Variants in MARCHF1 observed in about 807,000 individuals in gnomAD.
MARCHF1 encodes membrane associated ring-CH-type finger 1, also known as E3 ubiquitin-protein ligase MARCHF1.
In MARCHF1, 40 loss-of-function variants were observed where a neutral mutation model predicts 54.2. The observed-to-expected ratio is 0.74, with a 90% CI of 0.57 to 0.96. The LOEUF is 0.96. Among genes scored for constraint, MARCHF1 ranks in the 40% least tolerant of loss-of-function variants. The probability of loss-of-function intolerance (pLI) is 0.00; values close to 1 mark genes in which losing one functional copy is unlikely to be tolerated. For synonymous variants in MARCHF1, 236 were observed against 236.3 expected, an observed-to-expected ratio of 1.00 and a Z score of 0.01; for missense variants, 586 against 656.5, an observed-to-expected ratio of 0.89 and a Z score of 1.17.
In MARCHF1 at chr4:163,989,146, T is replaced by G. The variant is rs56253964; in HGVS notation, c.-247-437A>C. Among the ~76,000 whole-genome samples, 635 of 152,270 alleles carry G rather than the reference T, an allele frequency of 4.2e-3. 8 individuals carry two copies. Among genetic ancestry groups the G allele is most frequent in the African/African-American group, 0.015 (616 of 41,572 alleles). ...GTAAATAAGCAGACGGCTGAAAAGC[T>G]TAGTGTCCTATTTGGAGCCAAATCT... On this transcript the variant is annotated intron_variant, in intron 2 of 9. Coordinates refer to ENST00000514618, the MANE Select transcript of MARCHF1 (RefSeq NM_001394959.1).
At chr4:163,895,107 A>G (rs919422482) in intron 3 of MARCHF1, among the ~76,000 whole-genome samples, 2 of 152,188 alleles carry the variant, frequency 1.3e-5, no homozygotes, top group Admixed American at 6.5e-5. Flanking sequence ...ATGCATATAT[A>G]TACGCATGAG....
At chr4:163,780,105 C>A (rs1747421601) in intron 4 of MARCHF1, among the ~76,000 whole-genome samples, 1 of 152,102 alleles carries the variant, frequency 6.6e-6, no homozygotes, top group Admixed American at 6.6e-5. Flanking sequence ...CAAAAGTTTA[C>A]AGATATTATT....
intron 1 of MARCHF1, among the ~76,000 whole-genome samples, chr4:164,191,196 A>G (rs1355464531): frequency 2.6e-5 from 4 of 152,250 alleles, no homozygotes; most frequent in Non-Finnish European, 5.9e-5. Flanking sequence ...TTTATTAATT[A>G]AAGTAAGCAT....
intron 4 of MARCHF1, among the ~76,000 whole-genome samples, chr4:163,810,400 T>C (rs1041053250): frequency 2.0e-5 from 3 of 152,194 alleles, no homozygotes; most frequent in African/African-American, 7.2e-5. Context: ...TTTACCTTCT[T>C]TTACAAAGTA....
chr4:163,765,634 C>T (rs73870036), intron 4 of MARCHF1, among the ~76,000 whole-genome samples: 4,363 of 151,846 alleles, frequency 0.029, 138 homozygotes, highest in African/African-American at 0.075. Context: ...GAGAGAAATA[C>T]GTATGTAGAC....
intron 2 of MARCHF1, among the ~76,000 whole-genome samples, chr4:164,074,613 A>T (rs1579512416): frequency 6.6e-6 from 1 of 152,168 alleles, no homozygotes; most frequent in African/African-American, 2.4e-5. Flanking sequence ...GGTAATAAAG[A>T]AAATGAAATA....
intron 4 of MARCHF1, among the ~76,000 whole-genome samples, chr4:163,788,122 GAA>G (rs774292256): frequency 2.0e-5 from 3 of 151,674 alleles, no homozygotes; most frequent in Non-Finnish European, 4.4e-5. Context: ...TTGCGTGATG[GAA>G]AAAGTTAGAG....
intron 4 of MARCHF1, among the ~76,000 whole-genome samples, chr4:163,717,279 G>A (rs1745294663): frequency 6.6e-6 from 1 of 151,008 alleles, no homozygotes; most frequent in Non-Finnish European, 1.5e-5. Flanking sequence ...AGTTTGCTGA[G>A]AATGATGGTT....
intron 1 of MARCHF1, among the ~76,000 whole-genome samples, chr4:164,310,776 G>T (rs895182716): frequency 2.0e-5 from 3 of 151,948 alleles, no homozygotes; most frequent in African/African-American, 7.2e-5. Context: ...GCTTCATAAG[G>T]AAACTGAGAG....
At chr4:164,203,927 T>G (rs1172513750) in intron 1 of MARCHF1, among the ~76,000 whole-genome samples, 2 of 152,190 alleles carry the variant, frequency 1.3e-5, no homozygotes, top group Non-Finnish European at 2.9e-5. Flanking sequence ...TAAAAACAGA[T>G]CTACAGAAAA....
chr4:164,127,592 A>T (rs925803601), intron 1 of MARCHF1, among the ~76,000 whole-genome samples: 1 of 152,312 alleles, frequency 6.6e-6, no homozygotes, highest in South Asian at 2.1e-4. Flanking sequence ...CTAGAAAAAT[A>T]AAAAACTGAC....
intron 1 of MARCHF1, among the ~76,000 whole-genome samples, chr4:164,312,941 C>A (rs17676555): frequency 0.11 from 16,373 of 152,028 alleles, 1,457 homozygotes; most frequent in East Asian, 0.31. Context: ...GTAGAACAAG[C>A]CAGGACTTCT....
At chr4:163,613,219 A>C in intron 6 of MARCHF1, 95 bp downstream of exon 6, 5 of 1,397,682 alleles carry the variant, frequency 3.6e-6, no homozygotes, top group Non-Finnish European at 4.8e-6. Context: ...GACCATGTAA[A>C]GCAGAAGCAA....
chr4:164,233,973 A>G (rs940203228), intron 1 of MARCHF1, among the ~76,000 whole-genome samples: 1 of 152,198 alleles, frequency 6.6e-6, no homozygotes, highest in Non-Finnish European at 1.5e-5. Flanking sequence ...AGTATTATCA[A>G]TTAAAGTTCA....
intron 8 of MARCHF1, among the ~76,000 whole-genome samples, chr4:163,552,770 AG>A: frequency 6.6e-6 from 1 of 152,194 alleles, no homozygotes; most frequent in South Asian, 2.1e-4. Context: ...GCGGTGGCTC[AG>A]GCCTGTAATC....
intron 4 of MARCHF1, among the ~76,000 whole-genome samples, chr4:163,817,599 T>C (rs961435646): frequency 2.0e-5 from 3 of 152,012 alleles, no homozygotes; most frequent in African/African-American, 7.2e-5. Flanking sequence ...CACAATCTGT[T>C]GCACTCAAAA....
chr4:164,040,126 TA>T (rs1754093588), intron 2 of MARCHF1, among the ~76,000 whole-genome samples: 3 of 145,182 alleles, frequency 2.1e-5, no homozygotes, highest in South Asian at 4.2e-4. Context: ...TAAAGGTATT[TA>T]AAAATATTTT....
intron 1 of MARCHF1, among the ~76,000 whole-genome samples, chr4:164,139,975 G>T (rs1054446983): frequency 1.3e-5 from 2 of 151,714 alleles, no homozygotes; most frequent in African/African-American, 4.8e-5. Flanking sequence ...AATAATAAAG[G>T]CTTGTTAATT....
chr4:163,962,639 A>G (rs943682431), intron 3 of MARCHF1, among the ~76,000 whole-genome samples: 1 of 151,952 alleles, frequency 6.6e-6, no homozygotes, highest in Admixed American at 6.6e-5. Context: ...AAATTGTTTA[A>G]GGCATAAAAT....
Sources: allele counts gnomAD v4.1 joint callset (sites outside exome capture counted in the v4.1 genomes callset), GRCh38; gene constraint gnomAD v4.1.1; transcripts MANE v1.5; gene names NCBI Gene and HGNC (gene_info 2026-07-23, HGNC 2026-07-21).